The following UPP2 variants were observed in gnomAD, a reference collection of about 807,000 sequenced individuals.
UPP2 encodes the protein uridine phosphorylase 2.
UPP2 carries 23 observed loss-of-function variants against 26.7 expected under a neutral mutation model. The observed-to-expected ratio is 0.86, with a 90% CI of 0.62 to 1.22. The LOEUF (loss-of-function observed/expected upper bound fraction) is 1.22, where lower values mean the gene tolerates loss of function less well. UPP2 is among the 50% of genes most tolerant of loss of function. UPP2 has a pLI of 0.00. For missense variants in UPP2, 387 were observed against 396.7 expected (o/e 0.98, Z 0.21); for synonymous variants, 127 against 141.3 (o/e 0.90, Z 0.72).
rs766373051 is a variant in UPP2 at position 158,115,066 on chromosome 2, T to C, written c.181-35T>C. 6 of 1,557,846 alleles carry C rather than the reference T, an allele frequency of 3.9e-6. No individual in the cohort carries two copies. The African/African-American group carries it at 8.3e-5, about 22-fold the overall frequency. On this transcript the variant is annotated intron_variant, in intron 2 of 6. Coordinates refer to ENST00000005756, the MANE Select transcript of UPP2 (RefSeq NM_173355.4). ...ACTGACCCGTGGTTCTTATCCCAGT[T>C]ACTATGGCAGGCCCTTGTTTATTTT...
chr2:158,004,621 C>T (rs2105136032), intron 2 of UPP2, among the ~76,000 whole-genome samples: 1 of 152,310 alleles, frequency 6.6e-6, no homozygotes, highest in East Asian at 1.9e-4. Context: ...GAAGCTCTCT[C>T]CTCCTAGTCG....
intron 3 of UPP2, among the ~76,000 whole-genome samples, chr2:158,092,256 G>A (rs1682923223): frequency 6.6e-6 from 1 of 152,124 alleles, no homozygotes; most frequent in African/African-American, 2.4e-5. Context: ...GAAGCACAGT[G>A]AGCCATGAGA....
At chr2:158,015,674 A>C (rs946231259) in intron 2 of UPP2, 6 of 404,736 alleles carry the variant, frequency 1.5e-5, no homozygotes, top group Admixed American at 5.1e-5. Context: ...GAGGTGACTG[A>C]ATCATGGGGC....
intron 6 of UPP2, among the ~76,000 whole-genome samples, chr2:158,126,254 A>G (rs1208746286): frequency 6.6e-6 from 1 of 152,170 alleles, no homozygotes; most frequent in African/African-American, 2.4e-5. Context: ...TTCTGTAGTT[A>G]CTGCCCTCCA....
chr2:158,006,707 A>G lies in UPP2; in HGVS notation c.62-9094A>G, dbSNP rs558385279. 3.3e-5 allele frequency among the ~76,000 whole-genome samples: 5 copies of G among 152,154 alleles called. No homozygotes were observed. In the South Asian group the frequency reaches 8.3e-4, roughly 25 times the overall value. On this transcript the variant is annotated intron_variant, in intron 2 of 9. Coordinates refer to the UPP2 transcript ENST00000605860. ...CTTGTTTTGGCAAACAAGCTAACAA[A>G]CCATCTCCAGTGGGCGTCTTCCTAG...
At chr2:158,068,914 T>G (rs1198426407) in intron 3 of UPP2, among the ~76,000 whole-genome samples, 1 of 141,616 alleles carries the variant, frequency 7.1e-6, no homozygotes, top group Non-Finnish European at 1.5e-5. Context: ...ACCTCCCAGG[T>G]TCATGCCATT....
chr2:158,132,025 G>A (rs1489173185), intron 6 of UPP2, among the ~76,000 whole-genome samples: 4 of 152,206 alleles, frequency 2.6e-5, no homozygotes, highest in Admixed American at 2.6e-4. Context: ...CAAAGTGAAG[G>A]ATTAGAGAAG....
intron 3 of UPP2, among the ~76,000 whole-genome samples, chr2:158,067,559 C>G (rs771370840): frequency 6.6e-6 from 1 of 152,002 alleles, no homozygotes; most frequent in African/African-American, 2.4e-5. Flanking sequence ...GATTGGAAAA[C>G]CAAAACTTTC....
intron 3 of UPP2, among the ~76,000 whole-genome samples, chr2:158,051,197 GTA>G (rs1553465515): frequency 8.2e-5 from 11 of 133,838 alleles, no homozygotes; most frequent in Admixed American, 3.7e-4. Flanking sequence ...GTGTGTGTGT[GTA>G]TGTGTGTATA....
rs1225659963 is a variant in UPP2, at chr2:158,106,205, G to A, written c.169G>A (p.Gly57Arg). ...TKTHNLPAMF[G>R]DVKFVCVGGS... ...AACACACAACCTACCAGCAATGTTT[G>A]GAGATGTAAAGGTAAAAACATTTCT... Residue 57 changes from glycine (G) to arginine (R), a missense_variant, in exon 2 of 7, where the codon GGA becomes AGA. By Grantham distance (125) the Gly-to-Arg change is moderately radical (BLOSUM62 -2). Transcript: ENST00000005756. The A allele has an allele frequency of 6.2e-7, 1 of 1,609,292 alleles. No homozygotes were observed. Among genetic ancestry groups the A allele is most frequent in the Non-Finnish European group, 8.5e-7 (1 of 1,178,292 alleles).
At chr2:158,044,072 A>G (rs571473778) in intron 3 of UPP2, among the ~76,000 whole-genome samples, 16 of 152,340 alleles carry the variant, frequency 1.1e-4, no homozygotes, top group Admixed American at 9.1e-4. Context: ...GATGAGATAT[A>G]ATTAAGCTCT....
intron 3 of UPP2, among the ~76,000 whole-genome samples, chr2:158,074,583 T>C (rs1053544488): frequency 1.3e-5 from 2 of 151,658 alleles, no homozygotes; most frequent in East Asian, 1.9e-4. Flanking sequence ...AAACATAGTA[T>C]AGATATACAA....
At chr2:158,031,260 G>A (rs773787040) in intron 3 of UPP2, among the ~76,000 whole-genome samples, 19 of 152,114 alleles carry the variant, frequency 1.2e-4, no homozygotes, top group Admixed American at 8.5e-4. Flanking sequence ...TAAAGTGAGG[G>A]CCAGGAAGGA....
At chr2:158,003,195 T>C (rs572537219) in intron 2 of UPP2, among the ~76,000 whole-genome samples, 1 of 152,030 alleles carries the variant, frequency 6.6e-6, no homozygotes, top group Admixed American at 6.5e-5. Context: ...AGAAGGACTT[T>C]TGTGTTGGTG....
chr2:158,022,395 G>A (rs1683765784), intron 3 of UPP2, among the ~76,000 whole-genome samples: 2 of 148,108 alleles, frequency 1.4e-5, no homozygotes, highest in Admixed American at 1.3e-4. Flanking sequence ...GGAGGCGGAC[G>A]TTGCAGTGAG....
chr2:158,050,086 T>A (rs1402294384), intron 3 of UPP2, among the ~76,000 whole-genome samples: 4 of 152,292 alleles, frequency 2.6e-5, no homozygotes, highest in East Asian at 3.9e-4. Flanking sequence ...ATATTAAGAG[T>A]CATAGGCAAC....
chr2:158,101,007 T>C (rs1683066285), upstream of UPP2, among the ~76,000 whole-genome samples: 2 of 152,188 alleles, frequency 1.3e-5, no homozygotes, highest in South Asian at 4.1e-4. Context: ...TTCTTGACTG[T>C]GATGCACATT....
intron 3 of UPP2, among the ~76,000 whole-genome samples, chr2:158,086,105 G>C (rs1351274693): frequency 6.6e-6 from 1 of 152,058 alleles, no homozygotes; most frequent in Non-Finnish European, 1.5e-5. Context: ...ATGTCTGATA[G>C]AATTCAGGTG....
At chr2:158,048,675 C>G (rs7560781) in intron 3 of UPP2, among the ~76,000 whole-genome samples, 99,968 of 152,080 alleles carry the variant, frequency 0.66, 33,095 homozygotes, top group Non-Finnish European at 0.71. Context: ...AGCTTTTGCC[C>G]TTTGTAGTGC....
Sources: allele counts gnomAD v4.1 joint callset (sites outside exome capture counted in the v4.1 genomes callset), GRCh38; gene constraint gnomAD v4.1.1; transcripts MANE v1.5; gene names NCBI Gene and HGNC (gene_info 2026-07-23, HGNC 2026-07-21).